The following CTNND2 variants were observed in gnomAD, a reference collection of about 807,000 sequenced individuals.
CTNND2 encodes catenin delta-2.
Under a neutral mutation model 144.4 loss-of-function variants are expected in CTNND2, and 22 were observed. The ratio of observed to expected loss-of-function variants is 0.15; its 90% CI spans 0.11 to 0.22. CTNND2 has a LOEUF of 0.22. Among genes scored for constraint, CTNND2 ranks in the 10% least tolerant of loss-of-function variants. The pLI is 1.00. For missense variants in CTNND2, 1,353 were observed against 1,618.8 expected (o/e 0.84, Z 2.82); for synonymous variants, 751 against 695.6 (o/e 1.08, Z -1.25).
At chr5:11,068,958 G>A (rs1192050825) in intron 16 of CTNND2, among the ~76,000 whole-genome samples, 2 of 152,146 alleles carry the variant, frequency 1.3e-5, no homozygotes, top group Non-Finnish European at 2.9e-5. Context: ...TCTGCTAGAC[G>A]ACAGAACAGA....
chr5:11,471,772 G>A (rs953252584), intron 3 of CTNND2, among the ~76,000 whole-genome samples: 2 of 152,082 alleles, frequency 1.3e-5, no homozygotes, highest in African/African-American at 4.8e-5. Flanking sequence ...TTCCACATAG[G>A]AGTTACCAAT....
At chr5:11,716,453 ACT>A (rs2126706383) in intron 2 of CTNND2, among the ~76,000 whole-genome samples, 1 of 152,248 alleles carries the variant, frequency 6.6e-6, no homozygotes, top group South Asian at 2.1e-4. Flanking sequence ...CTTTGGTTAA[ACT>A]CTTTTAAAAT....
chr5:11,664,129 A>T (rs1258505501), intron 2 of CTNND2, among the ~76,000 whole-genome samples: 2 of 152,206 alleles, frequency 1.3e-5, no homozygotes, highest in African/African-American at 4.8e-5. Context: ...GTTATTCCAT[A>T]ATAATATAAA....
chr5:11,378,880 T>C (rs1481225548), intron 7 of CTNND2, among the ~76,000 whole-genome samples: 1 of 152,212 alleles, frequency 6.6e-6, no homozygotes, highest in African/African-American at 2.4e-5. Context: ...AGCATTTATG[T>C]GCACGATCCA....
At chr5:11,647,812 A>G (rs926099982) in intron 2 of CTNND2, among the ~76,000 whole-genome samples, 1 of 152,024 alleles carries the variant, frequency 6.6e-6, no homozygotes, top group Non-Finnish European at 1.5e-5. Flanking sequence ...ATACCTCCAC[A>G]TCCAGCCATG....
chr5:11,290,800 A>T (rs1255110738), intron 9 of CTNND2, among the ~76,000 whole-genome samples: 2 of 152,168 alleles, frequency 1.3e-5, no homozygotes, highest in Admixed American at 6.6e-5. Flanking sequence ...GAGTCTTTTT[A>T]AAAAACTCTG....
chr5:11,574,072 A>G (rs1456291335), intron 2 of CTNND2, among the ~76,000 whole-genome samples: 1 of 152,056 alleles, frequency 6.6e-6, no homozygotes, highest in Non-Finnish European at 1.5e-5. Context: ...AACTGTTTAA[A>G]ATGCCTGGGT....
intron 11 of CTNND2, among the ~76,000 whole-genome samples, chr5:11,174,157 T>A (rs1027156734): frequency 2.6e-5 from 4 of 152,154 alleles, no homozygotes; most frequent in Admixed American, 2.0e-4. Flanking sequence ...CAGGAAGTTG[T>A]GGGCTCCAGT....
Position 11,732,201 on chromosome 5 carries a change from T to A in CTNND2, c.109A>T (p.Thr37Ser). Residue 37 changes from threonine to serine, a missense_variant, in exon 2 of 22, where the codon ACC becomes TCC. Physicochemically the swap from Thr to Ser is moderately conservative, Grantham distance 58. Coordinates refer to ENST00000304623, the MANE Select transcript of CTNND2 (RefSeq NM_001332.4). ...GTTTCAGAGCCATCCCCGTTGGAGGTGTTTAAGCCGGGGCTCAGGGAACTC... is the reference window on the plus strand; with the variant it reads ...GTTTCAGAGCCATCCCCGTTGGAGGAGTTTAAGCCGGGGCTCAGGGAACTC... The part of the protein sequence containing the change: ...KTSSLSPGLN[T>S]SNGDGSETET... 1 of 1,613,828 alleles carries A rather than the reference T, an allele frequency of 6.2e-7. No homozygotes were observed. The highest frequency in any genetic ancestry group is 8.5e-7 in the Non-Finnish European group (1 of 1,179,858).
intron 1 of CTNND2, among the ~76,000 whole-genome samples, chr5:11,786,726 G>A (rs188419377): frequency 2.6e-5 from 4 of 152,230 alleles, no homozygotes; most frequent in Admixed American, 2.0e-4. Flanking sequence ...TTTTTTGTTT[G>A]TTTGTTTTAA....
chr5:11,277,560 G>T, intron 9 of CTNND2, among the ~76,000 whole-genome samples: 1 of 139,560 alleles, frequency 7.2e-6, no homozygotes. Context: ...TTGAGATGGA[G>T]TCTCTCTCTT....
Position 11,851,276 on chromosome 5 carries a change from T to C in CTNND2, c.37+52541A>G, listed in dbSNP as rs145224056. On this transcript the variant is annotated intron_variant, in intron 1 of 21. Coordinates refer to ENST00000304623, the MANE Select transcript of CTNND2 (RefSeq NM_001332.4). ...TCTCTAATACATGCGTGTGTGTGCGTATGTGGGTGTGAGTGTATATGTGTT... is the reference window on the plus strand; with the variant it reads ...TCTCTAATACATGCGTGTGTGTGCGCATGTGGGTGTGAGTGTATATGTGTT... 6.6e-4 allele frequency among the ~76,000 whole-genome samples: 101 copies of C among 152,258 alleles called. No homozygotes were observed. In the East Asian group the frequency reaches 0.011, roughly 16 times the overall value.
chr5:11,898,170 T>C (rs1737552498), intron 1 of CTNND2, among the ~76,000 whole-genome samples: 1 of 152,098 alleles, frequency 6.6e-6, no homozygotes, highest in African/African-American at 2.4e-5. Flanking sequence ...TGGCAGCCAA[T>C]TATTTATCTT....
In CTNND2 at chr5:11,547,308, T is replaced by TAAAC. The variant is rs1229161595; in HGVS notation, c.287+17635_287+17636insGTTT. 4.5e-4 allele frequency among the ~76,000 whole-genome samples: 47 copies of TAAAC among 103,964 alleles called. 1 individual carries two copies. The highest frequency in any genetic ancestry group is 1.9e-3 in the South Asian group (6 of 3,104). The allele number at this position is 103,964 out of a possible 152,430, so 68.2% of individuals were successfully genotyped here. A position where few individuals can be genotyped will look rare whatever the true frequency, so the allele number is the denominator to read the frequency against. On this transcript the variant is annotated intron_variant, in intron 3 of 21. Coordinates refer to ENST00000304623, the MANE Select transcript of CTNND2 (RefSeq NM_001332.4). ...ATAAATAAATAAATAAATAAATAAA[T>TAAAC]AAATAAATAAATAAAGTAAAAAGAT...
chr5:11,473,600 T>C (rs1767443509), intron 3 of CTNND2, among the ~76,000 whole-genome samples: 1 of 152,138 alleles, frequency 6.6e-6, no homozygotes, highest in African/African-American at 2.4e-5. Flanking sequence ...CTACAGGAAA[T>C]GGCTCCATCG....
chr5:11,448,946 T>A (rs1765079412), intron 3 of CTNND2, among the ~76,000 whole-genome samples: 1 of 152,028 alleles, frequency 6.6e-6, no homozygotes, highest in African/African-American at 2.4e-5. Flanking sequence ...CAAGTGATCC[T>A]CCCACCTCAG....
At chr5:11,182,361 G>A (rs1735168614) in intron 11 of CTNND2, among the ~76,000 whole-genome samples, 1 of 151,964 alleles carries the variant, frequency 6.6e-6, no homozygotes, top group Admixed American at 6.6e-5. Context: ...CCACCTTCGT[G>A]TGCACATCTA....
chr5:11,556,963 CCA>C (rs1374849096), intron 3 of CTNND2, among the ~76,000 whole-genome samples: 2 of 152,022 alleles, frequency 1.3e-5, no homozygotes, highest in East Asian at 3.9e-4. Context: ...TCACTCCACT[CCA>C]GATTCAAATT....
intron 10 of CTNND2, among the ~76,000 whole-genome samples, chr5:11,218,672 A>T (rs1457942618): frequency 6.6e-6 from 1 of 152,210 alleles, no homozygotes; most frequent in Non-Finnish European, 1.5e-5. Context: ...TCAAAGCCAC[A>T]TGGAGCACCA....
Sources: gnomAD v4.1 joint callset for allele counts (sites outside exome capture counted in the v4.1 genomes callset) on GRCh38, gnomAD v4.1.1 for gene constraint, MANE v1.5 for transcripts, NCBI Gene and HGNC (gene_info 2026-07-23, HGNC 2026-07-21) for gene names.